The following OSBPL6 variants were observed in gnomAD, a reference collection of about 807,000 sequenced individuals.
OSBPL6 encodes the protein oxysterol binding protein like 6.
Under a neutral mutation model 125.8 loss-of-function variants are expected in OSBPL6, and 49 were observed. The observed-to-expected ratio is 0.39, with a 90% CI of 0.31 to 0.49. The LOEUF (loss-of-function observed/expected upper bound fraction) is 0.49. Among genes scored for constraint, OSBPL6 ranks in the 20% least tolerant of loss-of-function variants. The pLI is 0.88. For synonymous variants in OSBPL6, 394 were observed against 391.8 expected, an observed-to-expected ratio of 1.01 and a Z score of -0.07; for missense variants, 986 against 1,135.4, an observed-to-expected ratio of 0.87 and a Z score of 1.89.
At chr2:178,287,131 C>A in intron 2 of OSBPL6, among the ~76,000 whole-genome samples, 1 of 133,236 alleles carries the variant, frequency 7.5e-6, no homozygotes, top group Non-Finnish European at 1.6e-5. Context: ...ACTCCTAAAA[C>A]AATGGTTCTT....
intron 1 of OSBPL6, among the ~76,000 whole-genome samples, chr2:178,263,569 A>C (rs184842625): frequency 3.9e-4 from 60 of 152,338 alleles, no homozygotes; most frequent in African/African-American, 1.4e-3. Context: ...CAAGCCCCAG[A>C]GATGGTAAGT....
intron 2 of OSBPL6, among the ~76,000 whole-genome samples, chr2:178,303,451 A>T (rs1424919911): frequency 6.6e-6 from 1 of 152,198 alleles, no homozygotes; most frequent in Admixed American, 6.5e-5. Flanking sequence ...AATCCTGAAT[A>T]ACACATTCAG....
At chr2:178,230,035 T>A (rs1229677234) in intron 1 of OSBPL6, among the ~76,000 whole-genome samples, 1 of 152,200 alleles carries the variant, frequency 6.6e-6, no homozygotes, top group Non-Finnish European at 1.5e-5. Flanking sequence ...AGTGTTGTTC[T>A]CATCTTCAGG....
chr2:178,383,661 T>C (rs2276619), intron 17 of OSBPL6, among the ~76,000 whole-genome samples: 8,289 of 152,256 alleles, frequency 0.054, 375 homozygotes, highest in East Asian at 0.19. Flanking sequence ...CATATGGCTG[T>C]GGGAAACATG....
chr2:178,247,037 C>G (rs903071968), intron 1 of OSBPL6, among the ~76,000 whole-genome samples: 3 of 135,172 alleles, frequency 2.2e-5, no homozygotes, highest in Non-Finnish European at 4.6e-5. Flanking sequence ...TTATTGTGTA[C>G]TCAACTTCTC....
intron 15 of OSBPL6, among the ~76,000 whole-genome samples, chr2:178,375,311 C>T (rs145614301): frequency 6.6e-6 from 1 of 152,184 alleles, no homozygotes; most frequent in Non-Finnish European, 1.5e-5. Flanking sequence ...CCCCAGGGAC[C>T]ACCATGCTGT....
intron 3 of OSBPL6, among the ~76,000 whole-genome samples, chr2:178,320,033 C>G (rs139082015): frequency 7.2e-5 from 11 of 152,246 alleles, no homozygotes; most frequent in South Asian, 2.1e-4. Flanking sequence ...AAAACATTTC[C>G]AGCAATGTCT....
At chr2:178,299,384 A>G (rs1686065950) in intron 2 of OSBPL6, among the ~76,000 whole-genome samples, 1 of 152,160 alleles carries the variant, frequency 6.6e-6, no homozygotes, top group South Asian at 2.1e-4. Context: ...CTGGCCCTGT[A>G]CTACTACTAT....
intron 2 of OSBPL6, among the ~76,000 whole-genome samples, chr2:178,298,345 G>T (rs1464918741): frequency 6.6e-6 from 1 of 152,232 alleles, no homozygotes; most frequent in Admixed American, 6.5e-5. Flanking sequence ...TGGTTGTACA[G>T]TATCTTAGCC....
At chr2:178,271,290 T>C (rs2092370571) in intron 1 of OSBPL6, among the ~76,000 whole-genome samples, 1 of 152,200 alleles carries the variant, frequency 6.6e-6, no homozygotes, top group Non-Finnish European at 1.5e-5. Flanking sequence ...CTGATTTAGT[T>C]GTTAAATTTT....
intron 15 of OSBPL6, among the ~76,000 whole-genome samples, chr2:178,377,116 A>G (rs1448214387): frequency 1.3e-5 from 2 of 152,212 alleles, no homozygotes; most frequent in African/African-American, 4.8e-5. Context: ...GCCATAAGGA[A>G]ATACCTGAGA....
At chr2:178,226,568 G>GAA (rs1262786028) in intron 1 of OSBPL6, among the ~76,000 whole-genome samples, 1 of 152,194 alleles carries the variant, frequency 6.6e-6, no homozygotes, top group African/African-American at 2.4e-5. Context: ...CCTTTTTATA[G>GAA]GAGCTGGAGA....
chr2:178,354,789 T>C (rs1381045493), intron 12 of OSBPL6, among the ~76,000 whole-genome samples: 2 of 152,218 alleles, frequency 1.3e-5, no homozygotes, highest in African/African-American at 4.8e-5. Context: ...TATATATTCT[T>C]CTCAGCACCA....
chr2:178,392,617 A>G, intron 23 of OSBPL6, 79 bp downstream of exon 23: 1 of 1,524,550 alleles, frequency 6.6e-7, no homozygotes, highest in African/African-American at 1.4e-5. Flanking sequence ...GCACTTTAGA[A>G]GGCTGAGGAG....
intron 2 of OSBPL6, among the ~76,000 whole-genome samples, chr2:178,290,897 T>C (rs1057022536): frequency 6.6e-6 from 1 of 152,162 alleles, no homozygotes; most frequent in Non-Finnish European, 1.5e-5. Context: ...TGAGTTAACT[T>C]TATGGAGTCT....
chr2:178,388,931 G>T (rs1575048345), intron 20 of OSBPL6, 78 bp from the exon 21 acceptor site: 2 of 1,468,684 alleles, frequency 1.4e-6, no homozygotes, highest in East Asian at 2.3e-5. Flanking sequence ...TTTGGCCAAA[G>T]AATATTCTCA....
chr2:178,240,263 A>G (rs780036185), intron 1 of OSBPL6, among the ~76,000 whole-genome samples: 13 of 152,130 alleles, frequency 8.5e-5, no homozygotes, highest in Non-Finnish European at 1.5e-4. Flanking sequence ...TTTTATGTGT[A>G]TCTTGCCACA....
At chr2:178,295,788 T>G (rs1685693774) in intron 2 of OSBPL6, among the ~76,000 whole-genome samples, 1 of 151,840 alleles carries the variant, frequency 6.6e-6, no homozygotes, top group African/African-American at 2.4e-5. Context: ...TATTTAAAGA[T>G]TAATTATAAT....
chr2:178,361,250 T>A (rs1692327171), intron 12 of OSBPL6, among the ~76,000 whole-genome samples: 1 of 152,364 alleles, frequency 6.6e-6, no homozygotes. Context: ...TTTGGGTGCA[T>A]GCTTTTGGAG....
Sources: gnomAD v4.1 joint callset for allele counts (sites outside exome capture counted in the v4.1 genomes callset) on GRCh38, gnomAD v4.1.1 for gene constraint, MANE v1.5 for transcripts, NCBI Gene and HGNC (gene_info 2026-07-23, HGNC 2026-07-21) for gene names.